Variants in CDH22 observed in about 807,000 individuals in gnomAD.
CDH22 encodes cadherin 22.
CDH22 carries 30 observed loss-of-function variants against 58.4 expected under a neutral mutation model. The observed-to-expected ratio is 0.51, with a 90% CI of 0.38 to 0.70. The LOEUF is 0.70. Among genes scored for constraint, CDH22 ranks in the 30% least tolerant of loss-of-function variants. CDH22 has a pLI of 0.00. For missense variants in CDH22, 1,014 were observed against 1,233.9 expected (o/e 0.82, Z 2.67); for synonymous variants, 513 against 558.2 (o/e 0.92, Z 1.14).
chr20:46,294,516 G>C lies in CDH22; in HGVS notation c.-400+13739C>G, dbSNP rs544567544. Among the ~76,000 whole-genome samples the C allele has an allele frequency of 2.5e-4, 38 of 152,276 alleles. 2 individuals carry two copies. The South Asian group carries it at 7.7e-3, about 31-fold the overall frequency. On this transcript the variant is annotated intron_variant, in intron 1 of 11. Transcript: ENST00000537909. ...TGAGAGACAAGTTAACAGCTCAATT[G>C]TTATTTCAATTACACGGATTATTTG... is the stretch of plus-strand genomic sequence containing the variant.
intron 1 of CDH22, among the ~76,000 whole-genome samples, chr20:46,283,961 C>G (rs1229225111): frequency 6.6e-6 from 1 of 152,112 alleles, no homozygotes; most frequent in Non-Finnish European, 1.5e-5. Flanking sequence ...AAACGGCTGT[C>G]GGAAAGGTGG....
intron 7 of CDH22, among the ~76,000 whole-genome samples, chr20:46,205,765 A>T (rs182654854): frequency 1.3e-5 from 2 of 152,250 alleles, no homozygotes; most frequent in African/African-American, 4.8e-5. Context: ...TTCATGTGGC[A>T]TTCAATGTCC....
chr20:46,264,661 G>A (rs2086449459), intron 1 of CDH22, among the ~76,000 whole-genome samples: 1 of 152,122 alleles, frequency 6.6e-6, no homozygotes, highest in Non-Finnish European at 1.5e-5. Context: ...GATGGGCCGG[G>A]AGGTGCTCAG....
At chr20:46,192,749 A>G (rs570366901) in intron 8 of CDH22, among the ~76,000 whole-genome samples, 1 of 152,198 alleles carries the variant, frequency 6.6e-6, no homozygotes, top group East Asian at 1.9e-4. Context: ...GGCTCTGATT[A>G]GAGCTGGCCA....
At chr20:46,204,044 G>A (rs2085980516) in intron 7 of CDH22, among the ~76,000 whole-genome samples, 3 of 152,064 alleles carry the variant, frequency 2.0e-5, no homozygotes, top group South Asian at 4.2e-4. Context: ...AAACCTAGAT[G>A]TGTGACCTTG....
At chr20:46,231,032 G>C (rs1269148117) in intron 3 of CDH22, among the ~76,000 whole-genome samples, 1 of 152,170 alleles carries the variant, frequency 6.6e-6, no homozygotes, top group Non-Finnish European at 1.5e-5. Context: ...CAGGGGGGCA[G>C]AGGAGGGGAA....
intron 10 of CDH22, 95 bp from the exon 11 acceptor site, chr20:46,178,292 C>T (rs2085756305): frequency 7.1e-7 from 1 of 1,406,480 alleles, no homozygotes; most frequent in Non-Finnish European, 9.7e-7. Flanking sequence ...ATTTGCCTCC[C>T]TATGCCCCAA....
chr20:46,202,684 C>T (rs2085970536), intron 7 of CDH22, among the ~76,000 whole-genome samples: 1 of 152,142 alleles, frequency 6.6e-6, no homozygotes, highest in Non-Finnish European at 1.5e-5. Context: ...ACCGACAGCC[C>T]ATCCAAAGTT....
At chr20:46,293,660 AG>A (rs2086615705) in intron 1 of CDH22, among the ~76,000 whole-genome samples, 1 of 152,138 alleles carries the variant, frequency 6.6e-6, no homozygotes, top group Non-Finnish European at 1.5e-5. Context: ...GGGGGTGGGG[AG>A]GAGAGAGGTG....
rs888430798 is a variant in CDH22, at chr20:46,216,130, C to T, written c.838+696G>A. Among the ~76,000 whole-genome samples the T allele has an allele frequency of 2.6e-5, 4 of 152,182 alleles. No individual in the cohort carries two copies. Among genetic ancestry groups the T allele is most frequent in the Non-Finnish European group, 5.9e-5 (4 of 68,018 alleles). ...GCCCAGCTCCTGCGGCATTTAGTCC[C>T]TGCCAGCTTTGGTGGCTTCCCTGTA... On this transcript the variant is annotated intron_variant, in intron 5 of 11. Transcript: ENST00000537909. The surrounding 1 kb of genome is among the most constrained non-coding windows in gnomAD (Gnocchi z 5.3).
chr20:46,180,926 T>TTG (rs11471209), intron 10 of CDH22, among the ~76,000 whole-genome samples: 14,596 of 142,416 alleles, frequency 0.1, 804 homozygotes, highest in East Asian at 0.19. Flanking sequence ...AAAGTTTGTT[T>TTG]TGTGTGTGTG....
In CDH22 at chr20:46,300,804, G is replaced by C. The variant is rs1391527358; in HGVS notation, c.-400+7451C>G. Among the ~76,000 whole-genome samples the C allele has an allele frequency of 1.3e-5, 2 of 152,220 alleles. No individual in the cohort carries two copies. The highest frequency in any genetic ancestry group is 4.8e-5 in the African/African-American group (2 of 41,448). On this transcript the variant is annotated intron_variant, in intron 1 of 11. Coordinates refer to ENST00000537909, the MANE Select transcript of CDH22 (RefSeq NM_021248.3). The surrounding 1 kb of genome is among the most constrained non-coding windows in gnomAD (Gnocchi z 4.4). ...CAAAAACGTCCCAGTGGTCCCTGAA[G>C]AAATCATCGGACAAGAGCGTGAAGA...
chr20:46,217,392 ACACAGGTTTATT>A (rs1216006404), intron 4 of CDH22, among the ~76,000 whole-genome samples: 4 of 152,178 alleles, frequency 2.6e-5, no homozygotes, highest in African/African-American at 7.2e-5. Flanking sequence ...AGAATAACAC[ACACAGGTTTATT>A]CACAGGTTTA....
intron 3 of CDH22, among the ~76,000 whole-genome samples, chr20:46,236,507 ATTTAATTATATAT>A: frequency 7.1e-6 from 1 of 141,244 alleles, no homozygotes; most frequent in African/African-American, 2.6e-5. Context: ...ATAGATATAT[ATTTAATTATATAT>A]AATATATAAT....
intron 1 of CDH22, among the ~76,000 whole-genome samples, chr20:46,272,014 C>T (rs6032736): frequency 0.024 from 3,588 of 152,290 alleles, 95 homozygotes; most frequent in African/African-American, 0.063. Context: ...TTTCCATCTT[C>T]GTGAATGACA....
At chr20:46,263,406 C>CTGTGTGTG (rs3081942) in intron 1 of CDH22, among the ~76,000 whole-genome samples, 38,004 of 150,292 alleles carry the variant, frequency 0.25, 4,802 homozygotes, top group African/African-American at 0.28. Flanking sequence ...GCCTTCCATT[C>CTGTGTGTG]TGTGTGTGTG....
chr20:46,236,530 T>C (rs1236342079), intron 3 of CDH22, among the ~76,000 whole-genome samples: 3 of 140,758 alleles, frequency 2.1e-5, no homozygotes, highest in Non-Finnish European at 4.6e-5. Context: ...TAATATATAA[T>C]ATATTTATAT....
rs370697582 is a variant in CDH22 at position 46,227,620 on chromosome 20, C to T, written c.558G>A (p.Ser186=). The change falls in exon 4 of 12, where the codon TCG becomes TCA. Residue 186 remains serine, a synonymous_variant. Coordinates refer to ENST00000537909, the MANE Select transcript of CDH22 (RefSeq NM_021248.3). The part of the protein sequence containing the change: ...SVAELSPTGT[S]VMQVMASDAD... ...CATCCGAGGCCATCACCTGCATCAC[C>T]GACGTGCCTGGGCCCGGGGGACCAA... 2.9e-5 allele frequency: 46 copies of T among 1,611,718 alleles called. No homozygotes were observed. The highest frequency in any genetic ancestry group is 3.6e-5 in the Non-Finnish European group (43 of 1,179,282).
At chr20:46,259,361 A>C (rs2086421066) in intron 1 of CDH22, among the ~76,000 whole-genome samples, 1 of 152,202 alleles carries the variant, frequency 6.6e-6, no homozygotes. Context: ...AATAAGCCTT[A>C]ACAGGTTTGT....
Sources: gnomAD v4.1 joint callset for allele counts (sites outside exome capture counted in the v4.1 genomes callset) on GRCh38, gnomAD v4.1.1 for gene constraint, Gnocchi (gnomAD v3.1) non-coding constraint, MANE v1.5 for transcripts, NCBI Gene and HGNC (gene_info 2026-07-23, HGNC 2026-07-21) for gene names.